The following TBX20 variants were observed in gnomAD, a reference collection of about 807,000 sequenced individuals.
TBX20 encodes the protein T-box transcription factor 20, also known as T-box transcription factor TBX20.
In TBX20, 8 loss-of-function variants were observed where a neutral mutation model predicts 42.9. The ratio of observed to expected loss-of-function variants is 0.19; its 90% confidence interval spans 0.11 to 0.34. The LOEUF (loss-of-function observed/expected upper bound fraction) is 0.34, where lower values mean the gene tolerates loss of function less well. Among genes scored for constraint, TBX20 ranks in the 10% least tolerant of loss-of-function variants. The pLI is 1.00. For missense variants in TBX20, 411 were observed against 566.0 expected (o/e 0.73, Z 2.78); for synonymous variants, 198 against 222.8 (o/e 0.89, Z 0.99).
At chr7:35,217,658 CTTCT>C (rs1225204685) in intron 6 of TBX20, among the ~76,000 whole-genome samples, 1 of 152,122 alleles carries the variant, frequency 6.6e-6, no homozygotes. Context: ...AACGCCATTC[CTTCT>C]TTCTTACTGT....
intron 6 of TBX20, among the ~76,000 whole-genome samples, chr7:35,208,776 A>G (rs1789445169): frequency 7.2e-6 from 1 of 138,288 alleles, no homozygotes; most frequent in South Asian, 2.3e-4. Flanking sequence ...AAAAAAAAAA[A>G]AAAAAAGAAC....
intron 6 of TBX20, among the ~76,000 whole-genome samples, chr7:35,225,541 T>C (rs1789755702): frequency 6.6e-6 from 1 of 152,216 alleles, no homozygotes; most frequent in Admixed American, 6.5e-5. Flanking sequence ...GCAGCTCTCA[T>C]AGGCCTAGAT....
chr7:35,250,589 C>T (rs714956), intron 1 of TBX20, among the ~76,000 whole-genome samples: 55,992 of 152,028 alleles, frequency 0.37, 10,599 homozygotes, highest in Admixed American at 0.46. Flanking sequence ...GATGCCAGTC[C>T]TGCCTCTTTG....
intron 6 of TBX20, 78 bp from the exon 7 acceptor site, chr7:35,204,660 A>G: frequency 9.3e-7 from 1 of 1,076,076 alleles, no homozygotes; most frequent in Non-Finnish European, 1.4e-6. Context: ...GAGGTAACTC[A>G]CTAATCAGTA....
chr7:35,216,747 T>G (rs2128711492), intron 6 of TBX20, among the ~76,000 whole-genome samples: 1 of 152,336 alleles, frequency 6.6e-6, no homozygotes, highest in South Asian at 2.1e-4. Context: ...GTTATTTCAA[T>G]TTACATTCTC....
chr7:35,220,532 C>T (rs1018020193), intron 6 of TBX20, among the ~76,000 whole-genome samples: 4 of 152,158 alleles, frequency 2.6e-5, no homozygotes, highest in Non-Finnish European at 4.4e-5. Flanking sequence ...TATCTATCTG[C>T]GACAACTCTC....
intron 7 of TBX20, among the ~76,000 whole-genome samples, chr7:35,204,023 T>C (rs925736653): frequency 6.6e-6 from 1 of 152,198 alleles, no homozygotes; most frequent in Non-Finnish European, 1.5e-5. Context: ...ATTAGGACAA[T>C]CCTCTTTTAA....
intron 6 of TBX20, among the ~76,000 whole-genome samples, chr7:35,218,099 T>C (rs1033580450): frequency 1.1e-4 from 17 of 152,198 alleles, no homozygotes; most frequent in African/African-American, 2.9e-4. Context: ...AGTCTATCTT[T>C]GCAAAAGATT....
chr7:35,251,544 A>G (rs1396640555), intron 1 of TBX20, among the ~76,000 whole-genome samples: 1 of 152,214 alleles, frequency 6.6e-6, no homozygotes, highest in Non-Finnish European at 1.5e-5. Context: ...CATTCACATA[A>G]TGTCTTCGGA....
intron 3 of TBX20, among the ~76,000 whole-genome samples, chr7:35,247,032 G>A (rs1365409287): frequency 6.6e-6 from 1 of 151,854 alleles, no homozygotes; most frequent in Non-Finnish European, 1.5e-5. Flanking sequence ...AACCAGAACA[G>A]ATTAGTAACA....
chr7:35,249,961 T>G lies in TBX20; in HGVS notation c.370A>C (p.Lys124Gln), dbSNP rs1790271997. Reference protein sequence around the residue: ...HELGTEMIITKSGRRMFPTIR... With the variant: ...HELGTEMIITQSGRRMFPTIR... ...CCAAGTCCCAACTACCTGCCCGACT[T>G]GGTGATGATCATCTCGGTGCCCAGC... Residue 124 changes from lysine to glutamine, a missense_variant, in exon 2 of 8, where the codon AAG (lysine) becomes CAG (glutamine). Physicochemically the swap from Lys to Gln is moderately conservative, Grantham distance 53 (BLOSUM62 1). Around this residue, in one of 5 missense-constraint regions of TBX20, gnomAD observed 12 missense variants for 41.4 expected, o/e 0.29. Transcript: ENST00000408931. This position sits in a 1 kb window ranked among gnomAD's most constrained non-coding sequence, Gnocchi z 4.3. 1 of 1,604,696 alleles carries G rather than the reference T, an allele frequency of 6.2e-7. No homozygotes were observed. Among genetic ancestry groups the G allele is most frequent in the African/African-American group, 1.3e-5 (1 of 74,754 alleles).
chr7:35,227,839 A>G (rs1200688946), intron 6 of TBX20, among the ~76,000 whole-genome samples: 2 of 152,174 alleles, frequency 1.3e-5, no homozygotes, highest in Admixed American at 1.3e-4. Context: ...TAATGGGTAC[A>G]GAGTTTCTGT....
At chr7:35,244,389 G>T (rs1273879091) in intron 4 of TBX20, among the ~76,000 whole-genome samples, 1 of 150,786 alleles carries the variant, frequency 6.6e-6, no homozygotes, top group Non-Finnish European at 1.5e-5. Context: ...TAATTACAGG[G>T]CTTCTTTATG....
At chr7:35,217,533 C>T (rs546293185) in intron 6 of TBX20, among the ~76,000 whole-genome samples, 53 of 152,264 alleles carry the variant, frequency 3.5e-4, no homozygotes, top group African/African-American at 1.2e-3. Context: ...AAAATAAATG[C>T]TTCCTCTAAA....
chr7:35,245,349 T>TGTGTGTGTGTGTGTG (rs1554287409), intron 3 of TBX20, among the ~76,000 whole-genome samples: 1 of 151,398 alleles, frequency 6.6e-6, no homozygotes, highest in African/African-American at 2.4e-5. Context: ...TGTGTGTGTG[T>TGTGTGTGTGTGTGTG]TTTCATCTAT....
chr7:35,229,404 G>C (rs535833366), intron 6 of TBX20, among the ~76,000 whole-genome samples: 1 of 151,932 alleles, frequency 6.6e-6, no homozygotes, highest in Admixed American at 6.6e-5. Context: ...ATCCCCAAAG[G>C]CTGTTTATGA....
intron 6 of TBX20, among the ~76,000 whole-genome samples, chr7:35,216,014 C>T (rs999352985): frequency 1.3e-5 from 2 of 152,170 alleles, no homozygotes; most frequent in Non-Finnish European, 2.9e-5. Context: ...TCCTTTGCAA[C>T]ACCATTGTTC....
intron 6 of TBX20, among the ~76,000 whole-genome samples, chr7:35,221,653 G>A (rs191894629): frequency 2.6e-5 from 4 of 152,268 alleles, no homozygotes; most frequent in African/African-American, 9.6e-5. Flanking sequence ...CGGCAATGGA[G>A]CCTCTCAGTT....
chr7:35,227,020 A>AC (rs918399399), intron 6 of TBX20, among the ~76,000 whole-genome samples: 3 of 151,592 alleles, frequency 2.0e-5, no homozygotes, highest in African/African-American at 7.3e-5. Flanking sequence ...GATTATCCTG[A>AC]CCCAGGGTAG....
Sources: gnomAD v4.1 joint callset for allele counts (sites outside exome capture counted in the v4.1 genomes callset) on GRCh38, gnomAD v4.1.1 for gene constraint, gnomAD v4.1.1 regional missense constraint, Gnocchi (gnomAD v3.1) non-coding constraint, MANE v1.5 for transcripts, NCBI Gene and HGNC (gene_info 2026-07-23, HGNC 2026-07-21) for gene names.